TIAM1: variants seen among roughly 807,000 people sequenced by gnomAD.
The protein encoded by TIAM1 is TIAM Rac1 associated GEF 1.
TIAM1 carries 65 observed loss-of-function variants against 163.5 expected under a neutral mutation model. That is an observed-to-expected ratio of 0.40 (90% CI 0.33 to 0.49). The LOEUF (loss-of-function observed/expected upper bound fraction) is 0.49. TIAM1 is among the 20% of genes least tolerant of loss of function. The pLI is 0.77. For missense variants in TIAM1, 1,789 were observed against 2,044.7 expected (o/e 0.87, Z 2.41); for synonymous variants, 833 against 810.1 (o/e 1.03, Z -0.48).
chr21:31,179,166 C>A (rs1183896730), intron 15 of TIAM1, among the ~76,000 whole-genome samples: 1 of 151,738 alleles, frequency 6.6e-6, no homozygotes, highest in Non-Finnish European at 1.5e-5. Flanking sequence ...GCGGGCAGAT[C>A]ACCCGATTTC....
intron 2 of TIAM1, among the ~76,000 whole-genome samples, chr21:31,330,156 T>G (rs1463639352): frequency 6.6e-6 from 1 of 152,226 alleles, no homozygotes; most frequent in Admixed American, 6.5e-5. Context: ...CAGAGTAGTT[T>G]CACCACCCTG....
intron 25 of TIAM1, among the ~76,000 whole-genome samples, chr21:31,128,536 C>T (rs2082294711): frequency 6.6e-6 from 1 of 152,112 alleles, no homozygotes; most frequent in African/African-American, 2.4e-5. Flanking sequence ...CATGAGGAAA[C>T]AAAGGAACTA....
rs946571239 is a variant in TIAM1, at chr21:31,118,554, T to C, written c.*1814A>G. On this transcript the variant is annotated 3_prime_UTR_variant, in exon 28 of 28. Coordinates refer to ENST00000541036, the MANE Select transcript of TIAM1 (RefSeq NM_001353694.2). The stretch of plus-strand genomic sequence containing the variant: ...TTGACATAGACACGTCATGACCTTA[T>C]GTACAAGAGACAATGGCACCCTCTC... The C allele has an allele frequency of 1.7e-5, 8 of 471,518 alleles. No individual in the cohort carries two copies. The highest frequency in any genetic ancestry group is 3.1e-5 in the Non-Finnish European group (7 of 227,148). The allele number at this position is 471,518 out of a possible 1,614,324, so 29.2% of individuals were successfully genotyped here. A position where few individuals can be genotyped will look rare whatever the true frequency, so the allele number is the denominator to read the frequency against.
chr21:31,412,435 A>G (rs2077374747), intron 2 of TIAM1, among the ~76,000 whole-genome samples: 1 of 151,594 alleles, frequency 6.6e-6, no homozygotes, highest in African/African-American at 2.4e-5. Flanking sequence ...GGGGTGGGGG[A>G]TGGTTTCGGG....
rs370343907 is a variant in TIAM1 at position 31,152,276 on chromosome 21, G to A, written c.3366+360C>T. On this transcript the variant is annotated intron_variant, in intron 19 of 27. Coordinates refer to ENST00000541036, the MANE Select transcript of TIAM1 (RefSeq NM_001353694.2). Reference sequence around the variant, plus strand: ...TCAAACTCCTGACCTCAGGTGATCTGCCCGCCTTGGCCTCCCAAAGTGCTG... The same window carrying A: ...TCAAACTCCTGACCTCAGGTGATCTACCCGCCTTGGCCTCCCAAAGTGCTG... Among the ~76,000 whole-genome samples, 425 of 152,136 alleles carry A rather than the reference G, an allele frequency of 2.8e-3. 2 individuals are homozygous for A. Among genetic ancestry groups the A allele is most frequent in the African/African-American group, 9.5e-3 (394 of 41,508 alleles).
At chr21:31,264,337 T>C (rs1017334888) in intron 4 of TIAM1, among the ~76,000 whole-genome samples, 1 of 152,176 alleles carries the variant, frequency 6.6e-6, no homozygotes, top group African/African-American at 2.4e-5. Context: ...GTACTCAAGA[T>C]ATTGATCCAA....
intron 10 of TIAM1, among the ~76,000 whole-genome samples, chr21:31,212,336 G>C (rs1438205403): frequency 6.6e-6 from 1 of 152,074 alleles, no homozygotes; most frequent in African/African-American, 2.4e-5. Context: ...TGGCAACTGA[G>C]GGCTGAATTC....
chr21:31,546,021 G>A (rs1016541660), intron 1 of TIAM1, among the ~76,000 whole-genome samples: 2 of 151,706 alleles, frequency 1.3e-5, no homozygotes, highest in African/African-American at 4.8e-5. Flanking sequence ...TCATACAGAA[G>A]AAAATAAGTT....
At chr21:31,297,779 T>C (rs768578581) in intron 2 of TIAM1, among the ~76,000 whole-genome samples, 1 of 152,128 alleles carries the variant, frequency 6.6e-6, no homozygotes, top group Non-Finnish European at 1.5e-5. Flanking sequence ...ACCCCAAAAA[T>C]ATGATATAAT....
intron 2 of TIAM1, among the ~76,000 whole-genome samples, chr21:31,403,839 G>T (rs1393819819): frequency 1.3e-5 from 2 of 152,098 alleles, no homozygotes; most frequent in Non-Finnish European, 2.9e-5. Flanking sequence ...TGCCCTCAAA[G>T]ACTTCCTAGT....
intron 27 of TIAM1, among the ~76,000 whole-genome samples, chr21:31,121,164 TG>T (rs1391330188): frequency 6.6e-6 from 1 of 152,060 alleles, no homozygotes; most frequent in Admixed American, 6.6e-5. Flanking sequence ...ACCTAAGAGA[TG>T]GGTAACACAG....
chr21:31,372,416 C>T (rs1354488959), intron 2 of TIAM1, among the ~76,000 whole-genome samples: 1 of 152,086 alleles, frequency 6.6e-6, no homozygotes, highest in African/African-American at 2.4e-5. Context: ...ACTGAGTGCC[C>T]AGTAGGAAAT....
At chr21:31,316,923 G>C (rs947573596) in intron 2 of TIAM1, among the ~76,000 whole-genome samples, 1 of 152,136 alleles carries the variant, frequency 6.6e-6, no homozygotes, top group African/African-American at 2.4e-5. Flanking sequence ...TGCCTAGGTG[G>C]GTAAGTCTAC....
chr21:31,437,249 C>T lies in TIAM1; in HGVS notation c.-369+26734G>A, dbSNP rs150318855. 5.4e-3 allele frequency among the ~76,000 whole-genome samples: 818 copies of T among 152,192 alleles called. 7 individuals are homozygous for T. The highest frequency in any genetic ancestry group is 0.019 in the African/African-American group (783 of 41,530). On this transcript the variant is annotated intron_variant, in intron 2 of 28. Transcript: ENST00000286827. ...CTCCCATGTCACTAAAATATTATGG[C>T]TGGGCACACTGGTGCACGCTTGTAA...
chr21:31,424,022 A>C (rs1311091284), intron 2 of TIAM1, among the ~76,000 whole-genome samples: 1 of 152,236 alleles, frequency 6.6e-6, no homozygotes, highest in Non-Finnish European at 1.5e-5. Flanking sequence ...CGGTGTGTGA[A>C]TTATATCTCA....
intron 1 of TIAM1, among the ~76,000 whole-genome samples, chr21:31,541,585 T>C (rs1157561697): frequency 6.6e-6 from 1 of 152,202 alleles, no homozygotes; most frequent in African/African-American, 2.4e-5. Context: ...CTGAAATGTA[T>C]GACCATTATA....
intron 11 of TIAM1, among the ~76,000 whole-genome samples, chr21:31,203,421 C>A (rs1432870782): frequency 1.3e-5 from 2 of 152,216 alleles, no homozygotes; most frequent in Non-Finnish European, 2.9e-5. Context: ...CTGCTCCCGG[C>A]CCAATAGAAA....
At chr21:31,221,800 T>A (rs535399212) in intron 8 of TIAM1, among the ~76,000 whole-genome samples, 1 of 152,332 alleles carries the variant, frequency 6.6e-6, no homozygotes, top group South Asian at 2.1e-4. Context: ...AAAGAAGAAT[T>A]TCTATCCTAG....
chr21:31,218,079 T>C (rs549562471), intron 8 of TIAM1, among the ~76,000 whole-genome samples: 6 of 152,312 alleles, frequency 3.9e-5, no homozygotes, highest in Non-Finnish European at 5.9e-5. Context: ...CTGCATTCTA[T>C]TGAAAAATGG....
Sources: allele counts gnomAD v4.1 joint callset (sites outside exome capture counted in the v4.1 genomes callset), GRCh38; gene constraint gnomAD v4.1.1; transcripts MANE v1.5; gene names NCBI Gene and HGNC (gene_info 2026-07-23, HGNC 2026-07-21).